MYOCD: variants seen among roughly 807,000 people sequenced by gnomAD.
The protein encoded by MYOCD is myocardin.
In MYOCD, 32 loss-of-function variants were observed where a neutral mutation model predicts 96.1. That is an observed-to-expected ratio of 0.33 (90% CI 0.25 to 0.45). The LOEUF is 0.45. MYOCD is among the 20% of genes least tolerant of loss of function. MYOCD has a pLI of 1.00. For synonymous variants in MYOCD, 469 were observed against 469.0 expected, an observed-to-expected ratio of 1.00 and a Z score of 0.00; for missense variants, 1,133 against 1,200.6, an observed-to-expected ratio of 0.94 and a Z score of 0.83.
intron 1 of MYOCD, among the ~76,000 whole-genome samples, chr17:12,678,208 C>G (rs1309664254): frequency 6.6e-6 from 1 of 151,684 alleles, no homozygotes; most frequent in African/African-American, 2.4e-5. Context: ...TCTTTTTACC[C>G]CAGATTGTGC....
At chr17:12,675,613 A>G (rs990891363) in intron 1 of MYOCD, among the ~76,000 whole-genome samples, 8 of 152,170 alleles carry the variant, frequency 5.3e-5, no homozygotes, top group Non-Finnish European at 8.8e-5. Context: ...AATCCCAGCA[A>G]TTTGGGAGGC....
chr17:12,753,872 G>A (rs1036006477), intron 10 of MYOCD, among the ~76,000 whole-genome samples: 2 of 152,158 alleles, frequency 1.3e-5, no homozygotes, highest in Admixed American at 6.5e-5. Context: ...TCTGCATAGT[G>A]CAAACATTTA....
chr17:12,705,118 C>G lies in MYOCD; in HGVS notation c.56-10C>G. On this transcript the variant is annotated splice_polypyrimidine_tract_variant and intron_variant, in intron 1 of 13. Transcript: ENST00000425538. Reference sequence around the variant, plus strand: ...AGCCCAACTCACAAACTAACACTCCCTTTTCTAAGTTTTACAGTTAAGACT... The same window carrying G: ...AGCCCAACTCACAAACTAACACTCCGTTTTCTAAGTTTTACAGTTAAGACT... The G allele has an allele frequency of 3.1e-6, 5 of 1,606,378 alleles. No homozygotes were observed. The highest frequency in any genetic ancestry group is 4.3e-6 in the Non-Finnish European group (5 of 1,173,552).
Position 12,752,466 on chromosome 17 carries a change from C to A in MYOCD, c.1178C>A (p.Thr393Asn). The A allele has an allele frequency of 3.7e-6, 6 of 1,614,076 alleles. No individual in the cohort carries two copies. Among genetic ancestry groups the A allele is most frequent in the Non-Finnish European group, 5.1e-6 (6 of 1,180,000 alleles). The change falls in exon 10 of 14, where the codon ACC (threonine) becomes AAC (asparagine). Residue 393 changes from threonine to asparagine, a missense_variant. Physicochemically the swap from Thr to Asn is moderately conservative, Grantham distance 65. Coordinates refer to ENST00000425538, the MANE Select transcript of MYOCD (RefSeq NM_001146312.3). The part of the protein sequence containing the change: ...LRIRGLPVSG[T>N]KTALMDRLRP... The stretch of plus-strand genomic sequence containing the variant: ...ATTCGGGGCTTGCCTGTGTCAGGCA[C>A]CAAAACGGCTCTCATGGACCGGCTT...
intron 1 of MYOCD, among the ~76,000 whole-genome samples, chr17:12,691,375 C>T (rs765803658): frequency 9.2e-5 from 14 of 152,312 alleles, no homozygotes; most frequent in South Asian, 2.1e-4. Context: ...ACCATGGCAA[C>T]GTCTCCATGT....
chr17:12,683,571 A>G (rs2029928546), intron 1 of MYOCD, among the ~76,000 whole-genome samples: 1 of 151,906 alleles, frequency 6.6e-6, no homozygotes, highest in Admixed American at 6.6e-5. Context: ...ACAGATACAC[A>G]CACATACACA....
chr17:12,697,355 A>ATTTTTTTTT (rs2030810224), intron 1 of MYOCD, among the ~76,000 whole-genome samples: 1 of 86,068 alleles, frequency 1.2e-5, no homozygotes, highest in African/African-American at 6.1e-5. Context: ...ATATATATAT[A>ATTTTTTTTT]TATATTTTTT....
intron 1 of MYOCD, among the ~76,000 whole-genome samples, chr17:12,671,349 A>G (rs988887299): frequency 6.6e-6 from 1 of 152,214 alleles, no homozygotes; most frequent in Non-Finnish European, 1.5e-5. Context: ...GTGTACTAAA[A>G]CTAGAACAAA....
intron 6 of MYOCD, 72 bp downstream of exon 6, chr17:12,736,408 C>CAA: frequency 6.7e-7 from 1 of 1,483,312 alleles, no homozygotes; most frequent in South Asian, 1.2e-5. Context: ...GTCTTAACAT[C>CAA]AACACTGTTA....
intron 1 of MYOCD, among the ~76,000 whole-genome samples, chr17:12,704,567 C>T (rs2031212898): frequency 6.6e-6 from 1 of 152,102 alleles, no homozygotes; most frequent in Non-Finnish European, 1.5e-5. Flanking sequence ...ATAATACTAC[C>T]ACTTATCAAA....
At chr17:12,743,354 C>T (rs995240140) in intron 7 of MYOCD, among the ~76,000 whole-genome samples, 1 of 152,118 alleles carries the variant, frequency 6.6e-6, no homozygotes, top group Admixed American at 6.6e-5. Context: ...ATCTTACTTT[C>T]AGCTCAAAGC....
At chr17:12,742,113 A>T (rs2150709099) in intron 7 of MYOCD, among the ~76,000 whole-genome samples, 1 of 152,230 alleles carries the variant, frequency 6.6e-6, no homozygotes, top group East Asian at 1.9e-4. Flanking sequence ...TGAGGCGACA[A>T]CAGCAGCTGG....
At chr17:12,698,716 C>T (rs1346552763) in intron 1 of MYOCD, among the ~76,000 whole-genome samples, 1 of 148,276 alleles carries the variant, frequency 6.7e-6, no homozygotes, top group Non-Finnish European at 1.5e-5. Context: ...AATTTTGTCT[C>T]CTACCAGACC....
chr17:12,732,591 C>T lies in MYOCD; in HGVS notation c.416-3570C>T, dbSNP rs145485766. ...ATGGTTTTCTGTCTCTTCTCTTAGCCATATCTTATCTGATCACACCTCAGC... is the reference window on the plus strand; with the variant it reads ...ATGGTTTTCTGTCTCTTCTCTTAGCTATATCTTATCTGATCACACCTCAGC... On this transcript the variant is annotated intron_variant, in intron 5 of 13. Transcript: ENST00000425538. Among the ~76,000 whole-genome samples the T allele has an allele frequency of 5.9e-4, 90 of 152,298 alleles. No homozygotes were observed. In the East Asian group the frequency reaches 8.5e-3, roughly 14 times the overall value.
At chr17:12,717,486 A>G in intron 4 of MYOCD, 65 bp downstream of exon 4, 1 of 1,329,312 alleles carries the variant, frequency 7.5e-7, no homozygotes, top group South Asian at 1.2e-5. Context: ...TCCCAGAGTT[A>G]CTTGTCTCTG....
Position 12,693,012 on chromosome 17 carries a change from C to G in MYOCD, c.56-12116C>G, listed in dbSNP as rs1039525343. 9.8e-4 allele frequency among the ~76,000 whole-genome samples: 149 copies of G among 152,296 alleles called. 1 individual carries two copies. Among genetic ancestry groups the G allele is most frequent in the African/African-American group, 3.4e-3 (141 of 41,560 alleles). ...TATAGCTCCCATTCTTGAGTTGGAA[C>G]CTAGTTCCAGCCCCGAGCTACAAGC... On this transcript the variant is annotated intron_variant, in intron 1 of 13. Transcript: ENST00000425538.
intron 1 of MYOCD, among the ~76,000 whole-genome samples, chr17:12,673,604 A>G (rs1305187005): frequency 1.3e-5 from 2 of 152,318 alleles, no homozygotes; most frequent in East Asian, 1.9e-4. Flanking sequence ...TAACACTACT[A>G]TGAAAATCTG....
chr17:12,753,554 G>A (rs1398197184), intron 10 of MYOCD, among the ~76,000 whole-genome samples: 1 of 152,204 alleles, frequency 6.6e-6, no homozygotes, highest in Non-Finnish European at 1.5e-5. Flanking sequence ...AACTTACTCT[G>A]TAAAGGGCGA....
At chr17:12,715,791 T>A (rs528428438) in intron 3 of MYOCD, among the ~76,000 whole-genome samples, 15 of 152,290 alleles carry the variant, frequency 9.8e-5, no homozygotes, top group Admixed American at 6.5e-4. Context: ...TCAGCTTTTT[T>A]AAAAAATGTC....
Sources: gnomAD v4.1 joint callset for allele counts (sites outside exome capture counted in the v4.1 genomes callset) on GRCh38, gnomAD v4.1.1 for gene constraint, MANE v1.5 for transcripts, NCBI Gene and HGNC (gene_info 2026-07-23, HGNC 2026-07-21) for gene names.